The following RBM19 variants were observed in gnomAD, a reference collection of about 807,000 sequenced individuals.
The protein encoded by RBM19 is probable RNA-binding protein 19.
RBM19 carries 94 observed loss-of-function variants against 116.8 expected under a neutral mutation model. The observed-to-expected ratio is 0.80, with a 90% CI of 0.68 to 0.95. RBM19 has a LOEUF of 0.95. Among genes scored for constraint, RBM19 ranks in the 40% least tolerant of loss-of-function variants. The pLI, the probability that RBM19 is intolerant of heterozygous loss-of-function variation, is 0.00. For missense variants in RBM19, 1,161 were observed against 1,220.7 expected (o/e 0.95, Z 0.73); for synonymous variants, 475 against 494.1 (o/e 0.96, Z 0.51).
chr12:113,852,048 C>CAA (rs10570726), intron 22 of RBM19, among the ~76,000 whole-genome samples: 2 of 148,676 alleles, frequency 1.3e-5, no homozygotes, highest in African/African-American at 5.0e-5. Flanking sequence ...GAGATTGTCT[C>CAA]AAAAAAAAAA....
intron 6 of RBM19, among the ~76,000 whole-genome samples, chr12:113,957,059 C>T (rs1056373622): frequency 2.4e-4 from 37 of 152,302 alleles, no homozygotes; most frequent in Middle Eastern, 3.4e-3. Context: ...CACTTCTGCC[C>T]CATTGGTGGG....
intron 23 of RBM19, among the ~76,000 whole-genome samples, chr12:113,835,949 G>A (rs1189737095): frequency 1.3e-5 from 2 of 152,204 alleles, no homozygotes; most frequent in South Asian, 2.1e-4. Context: ...TTCTGCGCAC[G>A]GATTTCTTCC....
At chr12:113,942,930 C>T (rs1007369340) in intron 13 of RBM19, among the ~76,000 whole-genome samples, 5 of 152,088 alleles carry the variant, frequency 3.3e-5, no homozygotes, top group African/African-American at 1.2e-4. Context: ...CTCTGGCTTC[C>T]CAGGTCTCTC....
intron 21 of RBM19, among the ~76,000 whole-genome samples, chr12:113,893,121 T>C (rs1881070984): frequency 6.6e-6 from 1 of 151,670 alleles, no homozygotes; most frequent in Admixed American, 6.6e-5. Context: ...AGCCTCCAAC[T>C]CCTGGGCTCA....
At position 113,918,464 on chromosome 12, in the gene RBM19, C is replaced by T. The variant is rs772362510; in HGVS notation, c.2386-17G>A. 1.9e-6 allele frequency: 3 copies of T among 1,613,450 alleles called. No individual in the cohort carries two copies. Among genetic ancestry groups the T allele is most frequent in the Non-Finnish European group, 2.5e-6 (3 of 1,179,378 alleles). On this transcript the variant is annotated splice_polypyrimidine_tract_variant and intron_variant, in intron 19 of 23. Transcript: ENST00000261741. ...GACGTGACCCTAAGAGAGAAGACAA[C>T]ATGGCTCATCTCTCTGTCCCGAGAA...
At position 113,822,821 on chromosome 12, in the gene RBM19, T is replaced by A; in HGVS notation, c.*403A>T. 1 of 164,738 alleles carries A rather than the reference T, an allele frequency of 6.1e-6. No homozygotes were observed. Among genetic ancestry groups the A allele is most frequent in the Non-Finnish European group, 1.3e-5 (1 of 76,930 alleles). 10.2% of individuals were successfully genotyped at this position (164,738 alleles called of 1,614,324 possible). A position where few individuals can be genotyped will look rare whatever the true frequency, so the allele number is the denominator to read the frequency against. On this transcript the variant is annotated 3_prime_UTR_variant, in exon 24 of 24. Transcript: ENST00000261741. The stretch of plus-strand genomic sequence containing the variant: ...TCCCAGCTTGAGCTTGGAGACGGGG[T>A]TTCATGTCCAAGCAGCCTGATGCCA...
intron 23 of RBM19, among the ~76,000 whole-genome samples, chr12:113,838,086 C>T (rs1593465080): frequency 6.6e-6 from 1 of 152,220 alleles, no homozygotes; most frequent in South Asian, 2.1e-4. Context: ...ATTTACCCAA[C>T]GATTCCAGTT....
chr12:113,865,946 A>G (rs532405865), intron 21 of RBM19, among the ~76,000 whole-genome samples: 1 of 152,310 alleles, frequency 6.6e-6, no homozygotes, highest in East Asian at 1.9e-4. Flanking sequence ...GCTCCTTCAC[A>G]GGCAACCCTG....
intron 21 of RBM19, among the ~76,000 whole-genome samples, chr12:113,880,577 G>A (rs1426608423): frequency 6.6e-6 from 1 of 152,134 alleles, no homozygotes; most frequent in Non-Finnish European, 1.5e-5. Flanking sequence ...GCGAGACTCT[G>A]GGCTACAGCC....
intron 15 of RBM19, among the ~76,000 whole-genome samples, chr12:113,939,472 C>T (rs369652329): frequency 1.1e-4 from 16 of 152,224 alleles, no homozygotes; most frequent in Admixed American, 2.6e-4. Flanking sequence ...TCTCCCGGCC[C>T]GGCGCAGTGG....
intron 23 of RBM19, among the ~76,000 whole-genome samples, chr12:113,827,044 C>G (rs112839395): frequency 6.6e-6 from 1 of 152,168 alleles, no homozygotes; most frequent in East Asian, 1.9e-4. Context: ...AATGACACCC[C>G]GCACCTCCCG....
At chr12:113,894,977 G>A (rs59728567) in intron 21 of RBM19, among the ~76,000 whole-genome samples, 8,700 of 152,276 alleles carry the variant, frequency 0.057, 842 homozygotes, top group African/African-American at 0.2. Flanking sequence ...AAGGCCCATC[G>A]CAGGGGACGT....
At chr12:113,927,862 A>T (rs576926296) in intron 16 of RBM19, among the ~76,000 whole-genome samples, 1 of 152,370 alleles carries the variant, frequency 6.6e-6, no homozygotes, top group East Asian at 1.9e-4. Flanking sequence ...ATGTTCACAA[A>T]CAAGAGACTA....
chr12:113,917,625 G>A (rs943100475), intron 20 of RBM19, among the ~76,000 whole-genome samples: 1 of 152,182 alleles, frequency 6.6e-6, no homozygotes, highest in East Asian at 1.9e-4. Flanking sequence ...CTAATTTGCC[G>A]GATGACCACA....
intron 7 of RBM19, among the ~76,000 whole-genome samples, chr12:113,954,020 G>A (rs564731971): frequency 4.3e-4 from 65 of 152,286 alleles, no homozygotes; most frequent in African/African-American, 1.5e-3. Flanking sequence ...TAACTCCCAC[G>A]TCCCAATTTA....
rs375265401 is a variant in RBM19 at position 113,942,413 on chromosome 12, C to G, written c.1648G>C (p.Val550Leu). Residue 550 changes from valine (V) to leucine (L), a missense_variant, in exon 14 of 24, where the codon GTG becomes CTG. By Grantham distance (32) the Val-to-Leu change is conservative (BLOSUM62 1). Transcript: ENST00000261741. ...FDHETKGSVA[V>L]RVALGETQLV... The stretch of plus-strand genomic sequence containing the variant: ...TGGGTTTCCCCCAGAGCCACGCGCA[C>G]GGCCACGCTGCCCTTGGTCTCCTGT... 15 of 1,607,790 alleles carry G rather than the reference C, an allele frequency of 9.3e-6. No homozygotes were observed. Among genetic ancestry groups the G allele is most frequent in the Non-Finnish European group, 1.2e-5 (14 of 1,179,740 alleles).
intron 13 of RBM19, among the ~76,000 whole-genome samples, chr12:113,943,021 G>A (rs1330234627): frequency 6.6e-6 from 1 of 152,088 alleles, no homozygotes; most frequent in African/African-American, 2.4e-5. Flanking sequence ...ACCCCATGCT[G>A]AGCTCATCTC....
intron 13 of RBM19, among the ~76,000 whole-genome samples, chr12:113,944,843 GTA>G (rs1566033745): frequency 1.5e-5 from 2 of 137,488 alleles, no homozygotes; most frequent in African/African-American, 5.5e-5. Context: ...ATATGAATGT[GTA>G]TATATATGTA....
rs556262388 is a variant in RBM19 at position 113,833,558 on chromosome 12, C to T, written c.2786-10237G>A. On this transcript the variant is annotated intron_variant, in intron 23 of 23. Transcript: ENST00000261741. ...TCTGCCTGCTTTGAACACACTCTGA[C>T]CCCAGGACCTTGGCACCCATGGCTT... 1.1e-3 allele frequency among the ~76,000 whole-genome samples: 169 copies of T among 152,328 alleles called. 4 individuals carry two copies. The South Asian group carries it at 0.034, about 30-fold the overall frequency.
Sources: gnomAD v4.1 joint callset for allele counts (sites outside exome capture counted in the v4.1 genomes callset) on GRCh38, gnomAD v4.1.1 for gene constraint, MANE v1.5 for transcripts, NCBI Gene and HGNC (gene_info 2026-07-23, HGNC 2026-07-21) for gene names.